GALNT2: variants seen among roughly 807,000 people sequenced by gnomAD.
The protein encoded by GALNT2 is polypeptide N-acetylgalactosaminyltransferase 2, also known as UDP-GalNAc:polypeptide N-acetylgalactosaminyltransferase 2.
GALNT2 carries 31 observed loss-of-function variants against 81.4 expected under a neutral mutation model. The observed-to-expected ratio is 0.38, with a 90% CI of 0.29 to 0.51. The LOEUF (loss-of-function observed/expected upper bound fraction) is 0.51. GALNT2 is among the 20% of genes least tolerant of loss of function. The pLI is 0.87. For missense variants in GALNT2, 629 were observed against 765.7 expected (o/e 0.82, Z 2.11); for synonymous variants, 303 against 287.4 (o/e 1.05, Z -0.55).
intron 1 of GALNT2, among the ~76,000 whole-genome samples, chr1:230,163,542 G>A (rs1020766725): frequency 6.6e-6 from 1 of 152,234 alleles, no homozygotes; most frequent in African/African-American, 2.4e-5. Flanking sequence ...GCATCATCAT[G>A]TATGTCCTTT....
At chr1:230,158,867 G>A (rs533266505) in intron 1 of GALNT2, among the ~76,000 whole-genome samples, 10 of 152,308 alleles carry the variant, frequency 6.6e-5, no homozygotes, top group East Asian at 1.9e-4. Flanking sequence ...GTTTGCACAC[G>A]AGGTCGTGAA....
chr1:230,208,485 T>C (rs1558140927), intron 3 of GALNT2, among the ~76,000 whole-genome samples: 2 of 152,202 alleles, frequency 1.3e-5, no homozygotes, highest in Non-Finnish European at 2.9e-5. Flanking sequence ...GGGATATGTG[T>C]CTGGTGTTCA....
intron 14 of GALNT2, among the ~76,000 whole-genome samples, chr1:230,274,211 T>C (rs1666223860): frequency 6.6e-6 from 1 of 152,264 alleles, no homozygotes; most frequent in Non-Finnish European, 1.5e-5. Flanking sequence ...CTCAAAGCAC[T>C]TCTGCACATC....
chr1:230,236,121 A>G lies in GALNT2; in HGVS notation c.473+9A>G. The G allele has an allele frequency of 3.7e-6, 6 of 1,611,978 alleles. No individual in the cohort carries two copies. Among genetic ancestry groups the G allele is most frequent in the Non-Finnish European group, 5.1e-6 (6 of 1,178,124 alleles). On this transcript the variant is annotated intron_variant, in intron 4 of 15. Transcript: ENST00000366672. ...CTCAGGACCGTGGTCAGGTGAGGCC[A>G]GGAGATGCATTACCTGTCAGGGGTG...
Position 230,168,649 on chromosome 1 carries a change from G to A in GALNT2, c.127-9569G>A, listed in dbSNP as rs72651067. On this transcript the variant is annotated intron_variant, in intron 1 of 15. Coordinates refer to ENST00000366672, the MANE Select transcript of GALNT2 (RefSeq NM_004481.5). Reference sequence around the variant, plus strand: ...TTTCAGTGTAGTTGCTTTCCCTTTAGGTAAATAGGATTATGCGCACATTTT... The same window carrying A: ...TTTCAGTGTAGTTGCTTTCCCTTTAAGTAAATAGGATTATGCGCACATTTT... Among the ~76,000 whole-genome samples the A allele has an allele frequency of 6.7e-3, 1,024 of 152,216 alleles. 10 individuals carry two copies. Among genetic ancestry groups the A allele is most frequent in the Non-Finnish European group, 9.0e-3 (609 of 68,010 alleles).
chr1:230,110,682 G>A lies in GALNT2; in HGVS notation c.126+43276G>A, dbSNP rs534366440. Among the ~76,000 whole-genome samples the A allele has an allele frequency of 4.0e-5, 6 of 149,818 alleles. No individual in the cohort carries two copies. The East Asian group carries it at 1.2e-3, about 29-fold the overall frequency. On this transcript the variant is annotated intron_variant, in intron 1 of 15. Coordinates refer to ENST00000366672, the MANE Select transcript of GALNT2 (RefSeq NM_004481.5). ...GTCCTCAGACTTTTTCTATGCCTAAGCCTTGAGGGTCTCTCTCAGCTGTGC... is the reference window on the plus strand; with the variant it reads ...GTCCTCAGACTTTTTCTATGCCTAAACCTTGAGGGTCTCTCTCAGCTGTGC...
chr1:230,205,896 C>T (rs780513201), intron 3 of GALNT2, among the ~76,000 whole-genome samples: 3 of 152,100 alleles, frequency 2.0e-5, no homozygotes, highest in African/African-American at 4.8e-5. Flanking sequence ...AGAGAGGAAA[C>T]GGAGGTGCCC....
chr1:230,172,861 A>G (rs1662839059), intron 1 of GALNT2, among the ~76,000 whole-genome samples: 1 of 152,350 alleles, frequency 6.6e-6, no homozygotes, highest in South Asian at 2.1e-4. Flanking sequence ...ATAGTGTCAT[A>G]GTATTTAGAT....
At chr1:230,129,318 T>C (rs371531935) in intron 1 of GALNT2, among the ~76,000 whole-genome samples, 27 of 152,286 alleles carry the variant, frequency 1.8e-4, no homozygotes, top group African/African-American at 6.3e-4. Context: ...AATTTAACTC[T>C]TACTATTTTA....
At chr1:230,096,380 G>A (rs536182877) in intron 1 of GALNT2, among the ~76,000 whole-genome samples, 10 of 152,238 alleles carry the variant, frequency 6.6e-5, no homozygotes, top group East Asian at 1.9e-4. Context: ...TGCATATCTC[G>A]TCAAAGGGAG....
rs1665276205 is a variant in GALNT2 at position 230,243,696 on chromosome 1, C to T, written c.729+269C>T. 6.6e-6 allele frequency among the ~76,000 whole-genome samples: 1 copy of T among 152,194 alleles called. No individual in the cohort carries two copies. The highest frequency in any genetic ancestry group is 2.1e-4 in the South Asian group (1 of 4,834). ...GAGGATCAGCAGAGGCTGGTGAGAG[C>T]CTGATTAGTTGAAGGCAGCCCTTTT... On this transcript the variant is annotated intron_variant, in intron 7 of 15. Transcript: ENST00000366672. The surrounding 1 kb of genome is among the most constrained non-coding windows in gnomAD (Gnocchi z 4.2).
chr1:230,112,306 G>A (rs1040405183), intron 1 of GALNT2, among the ~76,000 whole-genome samples: 1 of 149,606 alleles, frequency 6.7e-6, no homozygotes, highest in Non-Finnish European at 1.5e-5. Flanking sequence ...CACTCCAGGC[G>A]CACCCTGAGA....
intron 1 of GALNT2, among the ~76,000 whole-genome samples, chr1:230,147,858 A>C (rs1661970550): frequency 6.6e-6 from 1 of 152,148 alleles, no homozygotes; most frequent in Non-Finnish European, 1.5e-5. Context: ...TCATGAAGAG[A>C]GCTCGTCTTT....
At chr1:230,127,740 A>G (rs917519460) in intron 1 of GALNT2, among the ~76,000 whole-genome samples, 1 of 151,462 alleles carries the variant, frequency 6.6e-6, no homozygotes, top group Non-Finnish European at 1.5e-5. Context: ...GGTTGCTGTA[A>G]TCCTCCTCAG....
At chr1:230,076,634 G>A (rs1558272045) in intron 1 of GALNT2, among the ~76,000 whole-genome samples, 1 of 152,190 alleles carries the variant, frequency 6.6e-6, no homozygotes, top group Non-Finnish European at 1.5e-5. Context: ...CAGGGAGGCG[G>A]AACTGTGGGA....
At chr1:230,105,084 G>C (rs561056390) in intron 1 of GALNT2, among the ~76,000 whole-genome samples, 1 of 152,210 alleles carries the variant, frequency 6.6e-6, no homozygotes, top group Admixed American at 6.5e-5. Context: ...GAGGCTGGGG[G>C]TGTGGAAGGG....
At chr1:230,088,725 G>T (rs1056431438) in intron 1 of GALNT2, among the ~76,000 whole-genome samples, 2 of 152,052 alleles carry the variant, frequency 1.3e-5, no homozygotes, top group African/African-American at 4.8e-5. Context: ...TTTTAGTACA[G>T]ACGGGGTTTC....
chr1:230,067,958 C>T (rs1383193714), intron 1 of GALNT2, among the ~76,000 whole-genome samples: 1 of 152,112 alleles, frequency 6.6e-6, no homozygotes, highest in Admixed American at 6.5e-5. Flanking sequence ...CGGCCGCTCC[C>T]GTGCCAAGTA....
chr1:230,147,202 A>G (rs1208143704), intron 1 of GALNT2, among the ~76,000 whole-genome samples: 2 of 152,210 alleles, frequency 1.3e-5, no homozygotes, highest in African/African-American at 4.8e-5. Context: ...ATTTGACAGC[A>G]TCCTCAATTT....
Sources: allele counts gnomAD v4.1 joint callset (sites outside exome capture counted in the v4.1 genomes callset), GRCh38; gene constraint gnomAD v4.1.1; non-coding constraint Gnocchi (gnomAD v3.1); transcripts MANE v1.5; gene names NCBI Gene and HGNC (gene_info 2026-07-23, HGNC 2026-07-21).